Variants in FXYD7 observed in about 807,000 individuals in gnomAD.
The protein encoded by FXYD7 is FXYD domain-containing ion transport regulator 7.
FXYD7 carries 7 observed loss-of-function variants against 15.3 expected under a neutral mutation model. That is an observed-to-expected ratio of 0.46 (90% CI 0.26 to 0.86). The LOEUF is 0.86. Among genes scored for constraint, FXYD7 ranks in the 40% least tolerant of loss-of-function variants. FXYD7 has a pLI of 0.16. For missense variants in FXYD7, 78 were observed against 100.6 expected (o/e 0.78, Z 0.96); for synonymous variants, 39 against 39.3 (o/e 0.99, Z 0.03).
intron 5 of FXYD7, among the ~76,000 whole-genome samples, chr19:35,152,561 A>G (rs1248741087): frequency 1.3e-5 from 2 of 152,160 alleles, no homozygotes; most frequent in South Asian, 2.1e-4. Flanking sequence ...TAGAATTCAC[A>G]TTGGAAAAGA....
intron 5 of FXYD7, among the ~76,000 whole-genome samples, chr19:35,153,454 G>C (rs2065323981): frequency 6.6e-6 from 1 of 152,198 alleles, no homozygotes; most frequent in Non-Finnish European, 1.5e-5. Context: ...CTGGGGCACA[G>C]CTGAAGACTT....
chr19:35,151,448 G>A lies in FXYD7; in HGVS notation c.145G>A (p.Val49Met). The part of the protein sequence containing the change: ...LGILIVISKK[V>M]KCRKADSRSE... Reference sequence around the variant, plus strand: ...TCTCTCTCTCCCAACAGGCAAGAAGGTGAAGTGCAGGAAGGCGGACTCCAG... The same window carrying A: ...TCTCTCTCTCCCAACAGGCAAGAAGATGAAGTGCAGGAAGGCGGACTCCAG... The change falls in exon 4 of 6, where the codon GTG (valine) becomes ATG (methionine). Residue 49 changes from valine (V) to methionine (M), a missense_variant. Val to Met is a conservative substitution (Grantham distance 21, BLOSUM62 1). Coordinates refer to ENST00000270310, the MANE Select transcript of FXYD7 (RefSeq NM_022006.2). 1 of 1,614,164 alleles carries A rather than the reference G, an allele frequency of 6.2e-7. No homozygotes were observed. Among genetic ancestry groups the A allele is most frequent in the South Asian group, 1.1e-5 (1 of 91,084 alleles).
chr19:35,145,302 C>G (rs930418238), intron 1 of FXYD7, among the ~76,000 whole-genome samples: 23 of 152,222 alleles, frequency 1.5e-4, no homozygotes. Context: ...CTTTGCCTGA[C>G]TCCTGGCCCC....
intron 1 of FXYD7, among the ~76,000 whole-genome samples, chr19:35,145,092 G>T (rs1452065965): frequency 6.6e-6 from 1 of 152,084 alleles, no homozygotes; most frequent in Non-Finnish European, 1.5e-5. Flanking sequence ...TCCTGCAGGG[G>T]CAACGGCAGG....
In FXYD7 at chr19:35,149,069, T is replaced by C. The variant is rs139924901; in HGVS notation, c.61+346T>C. 5.8e-4 allele frequency: 289 copies of C among 495,454 alleles called. 3 individuals are homozygous for C. The East Asian group carries it at 0.016, about 27-fold the overall frequency. 30.7% of individuals were successfully genotyped at this position (495,454 alleles called of 1,614,324 possible). A position where few individuals can be genotyped will look rare whatever the true frequency, so the allele number is the denominator to read the frequency against. ...CTGCCTTATCCACTCACTAGCTGTA[T>C]GGCCTTGGGCAAGCAACTTTGCCTC... On this transcript the variant is annotated intron_variant, in intron 2 of 5. Transcript: ENST00000270310.
chr19:35,144,829 C>A (rs2065283416), intron 1 of FXYD7, among the ~76,000 whole-genome samples: 1 of 152,144 alleles, frequency 6.6e-6, no homozygotes, highest in South Asian at 2.1e-4. Context: ...CCCCCTTTCC[C>A]AGTCACAGCA....
chr19:35,152,755 A>G (rs1248088321), intron 5 of FXYD7, among the ~76,000 whole-genome samples: 1 of 151,728 alleles, frequency 6.6e-6, no homozygotes, highest in Non-Finnish European at 1.5e-5. Flanking sequence ...AAGCATGGAA[A>G]GTGTAAAGGG....
chr19:35,143,792 T>C lies in FXYD7; in HGVS notation c.31+428T>C, dbSNP rs140168843. ...GGAGGAGGTTCATGTCCCTCTTCTT[T>C]CCAGTGCTGTCTCCTAGGGTGTCTG... On this transcript the variant is annotated intron_variant, in intron 1 of 5. Coordinates refer to ENST00000270310, the MANE Select transcript of FXYD7 (RefSeq NM_022006.2). The surrounding 1 kb of genome is among the most constrained non-coding windows in gnomAD (Gnocchi z 4.3). Among the ~76,000 whole-genome samples the C allele has an allele frequency of 6.4e-4, 97 of 152,292 alleles. No homozygotes were observed. The highest frequency in any genetic ancestry group is 2.2e-3 in the African/African-American group (92 of 41,556).
intron 1 of FXYD7, 85 bp from the exon 2 acceptor site, chr19:35,148,609 G>C: frequency 8.7e-7 from 1 of 1,148,466 alleles, no homozygotes; most frequent in Non-Finnish European, 1.2e-6. Context: ...TAGGCCAGTG[G>C]CTCCATCTGG....
chr19:35,149,231 G>C, intron 2 of FXYD7: 3 of 352,420 alleles, frequency 8.5e-6, no homozygotes, highest in Non-Finnish European at 1.1e-5. Flanking sequence ...GGTAGATCGG[G>C]CTCCAGTTTC....
intron 5 of FXYD7, 76 bp downstream of exon 5, chr19:35,151,749 CGGGGATGGACTGGACGCAGGGGGCGGAGG>C (rs1331155839): frequency 1.6e-5 from 9 of 574,904 alleles, no homozygotes; most frequent in Admixed American, 1.2e-4. Flanking sequence ...AGGGAAGTCG[CGGGGATGGACTGGACGCAGGGGGCGGAGG>C]GGGGGTGGTG....
intron 5 of FXYD7, 112 bp downstream of exon 5, chr19:35,151,785 G>A: frequency 2.6e-6 from 2 of 776,060 alleles, no homozygotes; most frequent in Non-Finnish European, 4.7e-6. Context: ...GAGGGGGGGT[G>A]GTGCCTGCAG....
At chr19:35,146,763 A>AG (rs1024645937) in intron 1 of FXYD7, among the ~76,000 whole-genome samples, 1 of 152,116 alleles carries the variant, frequency 6.6e-6, no homozygotes, top group Non-Finnish European at 1.5e-5. Context: ...TCTTAGGTAA[A>AG]GGGGGGAGAT....
intron 2 of FXYD7, chr19:35,149,099 G>T: frequency 4.2e-6 from 2 of 472,844 alleles, no homozygotes; most frequent in South Asian, 3.1e-5. Context: ...TGCCTCTCTG[G>T]GCCCTTCTGT....
At position 35,143,621 on chromosome 19, in the gene FXYD7, C is replaced by G. The variant is rs1448389392; in HGVS notation, c.31+257C>G. 6.6e-6 allele frequency among the ~76,000 whole-genome samples: 1 copy of G among 152,140 alleles called. No homozygotes were observed. Among genetic ancestry groups the G allele is most frequent in the East Asian group, 1.9e-4 (1 of 5,166 alleles). On this transcript the variant is annotated intron_variant, in intron 1 of 5. Coordinates refer to ENST00000270310, the MANE Select transcript of FXYD7 (RefSeq NM_022006.2). The surrounding 1 kb of genome is among the most constrained non-coding windows in gnomAD (Gnocchi z 4.3). Reference sequence around the variant, plus strand: ...AGTCCCGGGAGAAGGGATGCTCGGACAGGTCGCTATGGCAACCGGGTGGCT... The same window carrying G: ...AGTCCCGGGAGAAGGGATGCTCGGAGAGGTCGCTATGGCAACCGGGTGGCT...
intron 1 of FXYD7, among the ~76,000 whole-genome samples, chr19:35,146,489 G>C (rs1362368427): frequency 6.6e-6 from 1 of 152,166 alleles, no homozygotes; most frequent in Non-Finnish European, 1.5e-5. Context: ...AGAGCAATCT[G>C]AAGCAGGTGA....
chr19:35,151,005 T>C (rs779627481), intron 2 of FXYD7, among the ~76,000 whole-genome samples: 1 of 151,644 alleles, frequency 6.6e-6, no homozygotes, highest in Non-Finnish European at 1.5e-5. Context: ...TATATATATA[T>C]CCAGGGTGGA....
At chr19:35,145,688 G>A (rs897119245) in intron 1 of FXYD7, among the ~76,000 whole-genome samples, 1 of 152,202 alleles carries the variant, frequency 6.6e-6, no homozygotes, top group African/African-American at 2.4e-5. Flanking sequence ...CCATCTTGGC[G>A]CTTTTGAGTA....
intron 1 of FXYD7, among the ~76,000 whole-genome samples, chr19:35,148,026 G>GGAGAGAAA (rs1366637230): frequency 4.5e-4 from 40 of 88,492 alleles, no homozygotes; most frequent in African/African-American, 1.8e-3. Flanking sequence ...GAAGAAAGAA[G>GGAGAGAAA]GAAAGAAAGA....
Sources: gnomAD v4.1 joint callset for allele counts (sites outside exome capture counted in the v4.1 genomes callset) on GRCh38, gnomAD v4.1.1 for gene constraint, Gnocchi (gnomAD v3.1) non-coding constraint, MANE v1.5 for transcripts, NCBI Gene and HGNC (gene_info 2026-07-23, HGNC 2026-07-21) for gene names.